The following CDON variants were observed in gnomAD, a reference collection of about 807,000 sequenced individuals.
The protein encoded by CDON is cell adhesion associated, oncogene regulated, also known as cell adhesion molecule-related/down-regulated by oncogenes.
A neutral mutation model predicts 120.9 loss-of-function variants in CDON; 73 were observed. That is an observed-to-expected ratio of 0.60 (90% CI 0.50 to 0.73). The LOEUF (loss-of-function observed/expected upper bound fraction) is 0.73, where lower values mean the gene tolerates loss of function less well. Among genes scored for constraint, CDON ranks in the 30% least tolerant of loss-of-function variants. CDON has a pLI of 0.00. For synonymous variants in CDON, 566 were observed against 573.5 expected, an observed-to-expected ratio of 0.99 and a Z score of 0.19; for missense variants, 1,470 against 1,587.3, an observed-to-expected ratio of 0.93 and a Z score of 1.26.
At position 126,004,006 on chromosome 11, in the gene CDON, T is replaced by G. The variant is rs761535678; in HGVS notation, c.1922A>C (p.His641Pro). ...VRVPGSENELHLAELEPSSLY... is the reference protein window; with the variant it reads ...VRVPGSENELPLAELEPSSLY... Reference sequence around the variant, plus strand: ...ACTAGATGGCTCCAGCTCAGCTAAATGGAGCTCATTTTCACTTCCTGGGAC... The same window carrying G: ...ACTAGATGGCTCCAGCTCAGCTAAAGGGAGCTCATTTTCACTTCCTGGGAC... Residue 641 changes from histidine to proline, a missense_variant, in exon 10 of 20, where the codon CAT becomes CCT. Coordinates refer to ENST00000531738, the MANE Select transcript of CDON (RefSeq NM_001378964.1). 3.7e-6 allele frequency: 6 copies of G among 1,614,046 alleles called. No individual in the cohort carries two copies. Among genetic ancestry groups the G allele is most frequent in the Non-Finnish European group, 5.1e-6 (6 of 1,179,986 alleles).
At chr11:126,052,456 CACTTGGT>C (rs1565557926) in intron 1 of CDON, among the ~76,000 whole-genome samples, 2 of 152,174 alleles carry the variant, frequency 1.3e-5, no homozygotes, top group Non-Finnish European at 2.9e-5. Flanking sequence ...ACACACTTGA[CACTTGGT>C]ATCCACAGTT....
chr11:126,001,649 C>T (rs897571611), intron 11 of CDON, 70 bp downstream of exon 11: 16 of 1,396,078 alleles, frequency 1.1e-5, no homozygotes, highest in Non-Finnish European at 1.5e-5. Context: ...CCCTATTCCA[C>T]CCCACCTCCC....
At chr11:125,998,866 A>G (rs886962653) in intron 11 of CDON, among the ~76,000 whole-genome samples, 2 of 152,042 alleles carry the variant, frequency 1.3e-5, no homozygotes, top group African/African-American at 4.8e-5. Context: ...TGGAGGGCCA[A>G]CTCTGGGCCA....
chr11:126,050,111 C>G (rs1948517977), intron 1 of CDON, among the ~76,000 whole-genome samples: 1 of 150,760 alleles, frequency 6.6e-6, no homozygotes, highest in Admixed American at 6.7e-5. Context: ...ATATAAGATA[C>G]CAGGGAGTCA....
Position 126,017,253 on chromosome 11 carries a change from A to C in CDON, c.763T>G (p.Trp255Gly). The change falls in exon 6 of 20, where the codon TGG becomes GGG. Residue 255 changes from tryptophan (W) to glycine (G), a missense_variant. By Grantham distance (184) the Trp-to-Gly change is radical (BLOSUM62 -2). Transcript: ENST00000531738. Reference protein sequence around the residue: ...VSGVPAPQVYWLKDGQDIAPG... With the variant: ...VSGVPAPQVYGLKDGQDIAPG... Reference sequence around the variant, plus strand: ...GCAATGTCCTGCCCGTCCTTTAGCCAATACACTTGAGGAGCCGGGACCCCA... The same window carrying C: ...GCAATGTCCTGCCCGTCCTTTAGCCCATACACTTGAGGAGCCGGGACCCCA... The C allele has an allele frequency of 6.2e-7, 1 of 1,614,136 alleles. No homozygotes were observed. Among genetic ancestry groups the C allele is most frequent in the Non-Finnish European group, 8.5e-7 (1 of 1,180,024 alleles).
intron 2 of CDON, among the ~76,000 whole-genome samples, chr11:126,022,101 C>CAAAAAAAAAAAAA (rs56788784): frequency 3.5e-5 from 2 of 56,552 alleles, no homozygotes; most frequent in African/African-American, 6.3e-5. Flanking sequence ...GACCCTGCTT[C>CAAAAAAAAAAAAA]AAAAAAAAAA....
intron 1 of CDON, among the ~76,000 whole-genome samples, chr11:126,027,652 A>T (rs573213259): frequency 2.0e-5 from 3 of 152,238 alleles, no homozygotes; most frequent in Non-Finnish European, 4.4e-5. Context: ...GCCTTAATGT[A>T]TAAGTCATTT....
In CDON at chr11:126,026,366, C is replaced by G. The variant is rs1277195262; in HGVS notation, c.-61-2829G>C. On this transcript the variant is annotated intron_variant, in intron 1 of 19. Coordinates refer to ENST00000531738, the MANE Select transcript of CDON (RefSeq NM_001378964.1). ...TGCTTAGCCAGGGCTAGACACTGGA[C>G]CTACGACTATAGAATACAACAAAAT... is the stretch of plus-strand genomic sequence containing the variant. 2.0e-5 allele frequency among the ~76,000 whole-genome samples: 3 copies of G among 152,130 alleles called. No homozygotes were observed. The East Asian group carries it at 5.8e-4, about 29-fold the overall frequency.
rs548290220 is a variant in CDON, at chr11:126,001,640, C to A, written c.2158+79G>T. On this transcript the variant is annotated intron_variant, in intron 11 of 19. Transcript: ENST00000531738. ...GTAAGATATGAAAATAAACAAACAC[C>A]CTATTCCACCCCACCTCCCAAAATC... 1.9e-5 allele frequency: 23 copies of A among 1,228,292 alleles called. No individual in the cohort carries two copies. In the African/African-American group the frequency reaches 2.2e-4, roughly 12 times the overall value. 76.1% of individuals were successfully genotyped at this position (1,228,292 alleles called of 1,614,324 possible). A position where few individuals can be genotyped will look rare whatever the true frequency, so the allele number is the denominator to read the frequency against.
chr11:125,961,762 C>T lies in CDON; in HGVS notation c.3593G>A (p.Ser1198Asn), dbSNP rs755140892. ...TCCQDIVNDV[S>N]SDGSEDPAEF... is the part of the protein sequence containing the mutation. Reference sequence around the variant, plus strand: ...TGCTGGATCTTCTGAGCCATCAGAGCTGACGTCATTTACAATGTCCTGACA... The same window carrying T: ...TGCTGGATCTTCTGAGCCATCAGAGTTGACGTCATTTACAATGTCCTGACA... Residue 1198 changes from serine to asparagine, a missense_variant, in exon 19 of 20, where the codon AGC becomes AAC. By Grantham distance (46) the Ser-to-Asn change is conservative. Coordinates refer to ENST00000531738, the MANE Select transcript of CDON (RefSeq NM_001378964.1). The T allele has an allele frequency of 1.2e-6, 2 of 1,614,176 alleles. No individual in the cohort carries two copies. The highest frequency in any genetic ancestry group is 8.5e-7 in the Non-Finnish European group (1 of 1,180,010).
intron 15 of CDON, among the ~76,000 whole-genome samples, chr11:125,988,902 A>C (rs1946545536): frequency 1.3e-5 from 2 of 152,234 alleles, no homozygotes; most frequent in African/African-American, 2.4e-5. Flanking sequence ...TCTCCTTAAT[A>C]TTCTTAAACT....
At chr11:125,970,176 T>TG (rs1231938387) in intron 18 of CDON, among the ~76,000 whole-genome samples, 3 of 121,252 alleles carry the variant, frequency 2.5e-5, no homozygotes, top group African/African-American at 5.7e-5. Flanking sequence ...GTTTATGTTT[T>TG]TTTTTTTTTT....
At chr11:126,004,719 TA>T (rs1947062626) in intron 9 of CDON, among the ~76,000 whole-genome samples, 1 of 152,200 alleles carries the variant, frequency 6.6e-6, no homozygotes, top group Non-Finnish European at 1.5e-5. Context: ...ACATAAACCT[TA>T]AAATATCATC....
chr11:125,971,337 C>G (rs545542857), intron 18 of CDON, among the ~76,000 whole-genome samples: 1 of 151,680 alleles, frequency 6.6e-6, no homozygotes, highest in South Asian at 2.1e-4. Context: ...GAGCCGAGAT[C>G]GCACCACTGC....
chr11:126,047,731 GTGGA>G (rs1396313614), intron 1 of CDON, among the ~76,000 whole-genome samples: 2 of 152,142 alleles, frequency 1.3e-5, no homozygotes, highest in African/African-American at 4.8e-5. Context: ...CTAGAATATG[GTGGA>G]GCCTGGCTTT....
intron 18 of CDON, among the ~76,000 whole-genome samples, chr11:125,968,666 C>A (rs1436016116): frequency 6.6e-6 from 1 of 152,154 alleles, no homozygotes; most frequent in Non-Finnish European, 1.5e-5. Flanking sequence ...AACTATGATC[C>A]TCAGTCACTA....
intron 1 of CDON, among the ~76,000 whole-genome samples, chr11:126,032,087 A>C (rs1947959999): frequency 6.6e-6 from 1 of 152,202 alleles, no homozygotes; most frequent in Non-Finnish European, 1.5e-5. Context: ...GACATGCTTT[A>C]CACTAAAAGG....
chr11:126,043,787 A>C (rs1267063365), intron 1 of CDON, among the ~76,000 whole-genome samples: 1 of 152,226 alleles, frequency 6.6e-6, no homozygotes, highest in African/African-American at 2.4e-5. Context: ...GCCATGTGTC[A>C]TTCTGGAAGA....
chr11:125,969,241 G>A (rs1224664246), intron 18 of CDON, among the ~76,000 whole-genome samples: 3 of 152,130 alleles, frequency 2.0e-5, no homozygotes, highest in Non-Finnish European at 2.9e-5. Context: ...CAGGTGATCC[G>A]CCTGCCTTAG....
Sources: gnomAD v4.1 joint callset for allele counts (sites outside exome capture counted in the v4.1 genomes callset) on GRCh38, gnomAD v4.1.1 for gene constraint, MANE v1.5 for transcripts, NCBI Gene and HGNC (gene_info 2026-07-23, HGNC 2026-07-21) for gene names.